SOX5: variants seen among roughly 807,000 people sequenced by gnomAD.
SOX5 encodes SRY-box transcription factor 5.
In SOX5, 9 loss-of-function variants were observed where a neutral mutation model predicts 92.0. The ratio of observed to expected loss-of-function variants is 0.10; its 90% CI spans 0.06 to 0.17. The LOEUF is 0.17. SOX5 is among the 10% of genes least tolerant of loss of function. The pLI, the probability that SOX5 is intolerant of heterozygous loss-of-function variation, is 1.00. For synonymous variants in SOX5, 344 were observed against 336.3 expected (o/e 1.02, Z -0.25); for missense variants, 642 against 944.5 (o/e 0.68, Z 4.20).
intron 9 of SOX5, among the ~76,000 whole-genome samples, chr12:23,603,273 T>C (rs753101043): frequency 6.6e-6 from 1 of 151,752 alleles, no homozygotes; most frequent in Non-Finnish European, 1.5e-5. Context: ...AAAGATTTTT[T>C]GAGGATTCTT....
intron 4 of SOX5, among the ~76,000 whole-genome samples, chr12:24,110,855 C>T (rs951984787): frequency 1.5e-5 from 2 of 129,734 alleles, no homozygotes; most frequent in Non-Finnish European, 3.1e-5. Context: ...GAGTTGAGAT[C>T]GTGCCACTGT....
chr12:24,480,678 T>C (rs1400056739), intron 1 of SOX5, among the ~76,000 whole-genome samples: 1 of 152,112 alleles, frequency 6.6e-6, no homozygotes, highest in Non-Finnish European at 1.5e-5. Context: ...TCATTGATCA[T>C]CAGATAAAGG....
intron 8 of SOX5, among the ~76,000 whole-genome samples, chr12:23,611,770 A>G (rs1592565865): frequency 6.6e-6 from 1 of 151,950 alleles, no homozygotes; most frequent in African/African-American, 2.4e-5. Context: ...AGATATTTCT[A>G]CCTTATTGTG....
intron 1 of SOX5, among the ~76,000 whole-genome samples, chr12:24,436,094 A>C (rs916184394): frequency 6.6e-6 from 1 of 151,978 alleles, no homozygotes; most frequent in African/African-American, 2.4e-5. Context: ...GGCCTTTTTT[A>C]TTCCCCAAAA....
intron 8 of SOX5, among the ~76,000 whole-genome samples, chr12:23,606,608 A>G (rs1462659221): frequency 6.6e-6 from 1 of 152,004 alleles, no homozygotes. Flanking sequence ...ATGTGATTCA[A>G]TATTTAAATA....
intron 6 of SOX5, among the ~76,000 whole-genome samples, chr12:23,721,792 T>A (rs1418727543): frequency 6.6e-6 from 1 of 152,194 alleles, no homozygotes; most frequent in Admixed American, 6.5e-5. Context: ...AGTTAAGAGA[T>A]TATACATGAA....
intron 1 of SOX5, among the ~76,000 whole-genome samples, chr12:24,492,045 C>T (rs1273649334): frequency 5.9e-5 from 9 of 152,262 alleles, no homozygotes; most frequent in South Asian, 2.1e-4. Flanking sequence ...GACACACATA[C>T]ATTCTCACCC....
intron 4 of SOX5, among the ~76,000 whole-genome samples, chr12:24,017,317 G>T (rs1315047929): frequency 6.6e-6 from 1 of 152,144 alleles, no homozygotes; most frequent in African/African-American, 2.4e-5. Flanking sequence ...TCACGCAACA[G>T]GTTATGTGTG....
At chr12:24,132,422 T>C (rs1321607162) in intron 4 of SOX5, among the ~76,000 whole-genome samples, 4 of 152,172 alleles carry the variant, frequency 2.6e-5, no homozygotes, top group African/African-American at 4.8e-5. Flanking sequence ...GTGGTATCTA[T>C]ATATATTTTT....
At chr12:23,688,623 G>C (rs2088110466) in intron 6 of SOX5, among the ~76,000 whole-genome samples, 2 of 151,948 alleles carry the variant, frequency 1.3e-5, no homozygotes, top group South Asian at 4.1e-4. Context: ...TTTTCCAATA[G>C]TTTAGCAAAT....
chr12:24,495,235 A>C (rs1947503813), intron 1 of SOX5, among the ~76,000 whole-genome samples: 1 of 152,204 alleles, frequency 6.6e-6, no homozygotes, highest in African/African-American at 2.4e-5. Context: ...AGTATCTGTT[A>C]TGGCCCCTGC....
chr12:23,793,440 G>C (rs929891424), intron 3 of SOX5, among the ~76,000 whole-genome samples: 9 of 152,078 alleles, frequency 5.9e-5, no homozygotes, highest in Non-Finnish European at 1.3e-4. Context: ...GTATTTTGTA[G>C]TACCCAACCC....
intron 3 of SOX5, among the ~76,000 whole-genome samples, chr12:24,213,963 T>G (rs915016898): frequency 1.3e-5 from 2 of 151,644 alleles, no homozygotes; most frequent in African/African-American, 4.8e-5. Flanking sequence ...TATATATATA[T>G]AATGTAATAT....
chr12:24,390,737 A>G (rs1158037121), intron 1 of SOX5, among the ~76,000 whole-genome samples: 2 of 152,120 alleles, frequency 1.3e-5, no homozygotes, highest in African/African-American at 4.8e-5. Flanking sequence ...TGTTGCTGCA[A>G]AAGATAGGAT....
intron 1 of SOX5, among the ~76,000 whole-genome samples, chr12:24,373,077 C>T (rs1956907309): frequency 6.6e-6 from 1 of 151,678 alleles, no homozygotes; most frequent in African/African-American, 2.4e-5. Flanking sequence ...GAGAACGCAC[C>T]ACTGCACTCC....
At chr12:24,142,183 T>C (rs1240145306) in intron 4 of SOX5, among the ~76,000 whole-genome samples, 1 of 152,144 alleles carries the variant, frequency 6.6e-6, no homozygotes, top group East Asian at 1.9e-4. Flanking sequence ...AACCAGGTGC[T>C]CACTAGTATG....
chr12:23,731,800 T>C (rs933773285), intron 6 of SOX5, among the ~76,000 whole-genome samples: 2 of 152,190 alleles, frequency 1.3e-5, no homozygotes, highest in Non-Finnish European at 2.9e-5. Context: ...TTTAAAGGCA[T>C]TCTTAATTGT....
intron 4 of SOX5, among the ~76,000 whole-genome samples, chr12:24,072,528 C>CA (rs1941930981): frequency 6.6e-6 from 1 of 152,188 alleles, no homozygotes; most frequent in African/African-American, 2.4e-5. Context: ...TCATCCACTG[C>CA]AATTGCTAGT....
At chr12:24,324,255 A>T (rs1470443059) in intron 2 of SOX5, among the ~76,000 whole-genome samples, 1 of 152,042 alleles carries the variant, frequency 6.6e-6, no homozygotes, top group Non-Finnish European at 1.5e-5. Context: ...CATATTCACA[A>T]TGTTCTACTT....
Sources: gnomAD v4.1 joint callset for allele counts (sites outside exome capture counted in the v4.1 genomes callset) on GRCh38, gnomAD v4.1.1 for gene constraint, MANE v1.5 for transcripts, NCBI Gene and HGNC (gene_info 2026-07-23, HGNC 2026-07-21) for gene names.